SLC24A2: variants seen among roughly 807,000 people sequenced by gnomAD.
SLC24A2 encodes the protein sodium/potassium/calcium exchanger 2.
In SLC24A2, 36 loss-of-function variants were observed where a neutral mutation model predicts 62.0. That is an observed-to-expected ratio of 0.58 (90% CI 0.44 to 0.77). The LOEUF (loss-of-function observed/expected upper bound fraction) is 0.77. Ranked by LOEUF, SLC24A2 falls within the 30% of genes least tolerant of loss-of-function variation. SLC24A2 has a pLI of 0.00. For synonymous variants in SLC24A2, 358 were observed against 294.0 expected (o/e 1.22, Z -2.23); for missense variants, 846 against 817.9 (o/e 1.03, Z -0.42).
At chr9:20,273,209 G>T in the SLC24A2 span, among the ~76,000 whole-genome samples, 33 of 152,258 alleles carry the variant, frequency 2.2e-4, no homozygotes, top group Admixed American at 2.1e-3. Context: ...AAGCAGAAAG[G>T]TCACCCTCAG....
the SLC24A2 span, among the ~76,000 whole-genome samples, chr9:19,843,120 T>C: frequency 2.0e-5 from 3 of 152,152 alleles, no homozygotes; most frequent in African/African-American, 7.2e-5. Flanking sequence ...AATAAAGATA[T>C]GCAGCCAGGT....
chr9:20,155,143 AAAAAG>A, the SLC24A2 span, among the ~76,000 whole-genome samples: 1 of 148,230 alleles, frequency 6.7e-6, no homozygotes, highest in Non-Finnish European at 1.5e-5. Flanking sequence ...AAAAAAAAAG[AAAAAG>A]AAAAAAAAAA....
At chr9:19,742,136 C>T (rs567397050) in intron 2 of SLC24A2, among the ~76,000 whole-genome samples, 2 of 152,036 alleles carry the variant, frequency 1.3e-5, no homozygotes, top group South Asian at 4.2e-4. Flanking sequence ...GAAGCAATTG[C>T]CATAAAAGTG....
intron 2 of SLC24A2, among the ~76,000 whole-genome samples, chr9:19,735,848 G>T (rs898337252): frequency 6.6e-6 from 1 of 151,620 alleles, no homozygotes; most frequent in African/African-American, 2.4e-5. Flanking sequence ...TCACACACTA[G>T]GGCCTGTTGT....
the SLC24A2 span, among the ~76,000 whole-genome samples, chr9:20,228,032 C>T: frequency 6.6e-6 from 1 of 152,270 alleles, no homozygotes; most frequent in East Asian, 1.9e-4. Flanking sequence ...TGAGGTCATT[C>T]TTCCATTAAA....
chr9:19,706,765 G>A (rs991945837), intron 2 of SLC24A2, among the ~76,000 whole-genome samples: 1 of 152,122 alleles, frequency 6.6e-6, no homozygotes, highest in Non-Finnish European at 1.5e-5. Flanking sequence ...AGTGTGTAGA[G>A]GGAAATTTAT....
At chr9:19,974,284 A>C in the SLC24A2 span, among the ~76,000 whole-genome samples, 1 of 152,194 alleles carries the variant, frequency 6.6e-6, no homozygotes, top group Non-Finnish European at 1.5e-5. Context: ...GTGATTTAAC[A>C]CTGCTATGAA....
At chr9:20,044,856 T>A in the SLC24A2 span, among the ~76,000 whole-genome samples, 1 of 152,054 alleles carries the variant, frequency 6.6e-6, no homozygotes, top group Non-Finnish European at 1.5e-5. Context: ...CCCCAACCAC[T>A]CATACTTGGT....
the SLC24A2 span, among the ~76,000 whole-genome samples, chr9:19,813,033 TA>T: frequency 1.7e-4 from 26 of 152,170 alleles, no homozygotes; most frequent in Non-Finnish European, 3.1e-4. Context: ...CTGCTCAGTT[TA>T]GTTTCAGAAT....
chr9:20,019,097 GAA>G, the SLC24A2 span, among the ~76,000 whole-genome samples: 3 of 34,648 alleles, frequency 8.7e-5, no homozygotes, highest in East Asian at 1.6e-3. Flanking sequence ...AAGAAAGAAA[GAA>G]AGATAGAAAG....
chr9:19,582,253 C>G (rs1479346380), intron 5 of SLC24A2, among the ~76,000 whole-genome samples: 1 of 152,136 alleles, frequency 6.6e-6, no homozygotes, highest in African/African-American at 2.4e-5. Flanking sequence ...GGAAAAACAA[C>G]GTTTGGAGGG....
the SLC24A2 span, among the ~76,000 whole-genome samples, chr9:20,059,747 TAGA>T: frequency 1.3e-5 from 2 of 151,910 alleles, no homozygotes; most frequent in Non-Finnish European, 2.9e-5. Flanking sequence ...CTTAAAGAAC[TAGA>T]AGAAGTTCAA....
At chr9:19,566,839 T>TCTC (rs1432913178) in intron 7 of SLC24A2, among the ~76,000 whole-genome samples, 1 of 152,020 alleles carries the variant, frequency 6.6e-6, no homozygotes, top group Non-Finnish European at 1.5e-5. Context: ...AAACAATCAT[T>TCTC]CTCAGCAAAC....
intron 6 of SLC24A2, among the ~76,000 whole-genome samples, chr9:19,574,065 G>T (rs1385570041): frequency 6.6e-6 from 1 of 152,072 alleles, no homozygotes; most frequent in Non-Finnish European, 1.5e-5. Flanking sequence ...TGGGACTTGG[G>T]AATCTTATCT....
chr9:20,260,707 A>T, the SLC24A2 span, among the ~76,000 whole-genome samples: 2 of 152,050 alleles, frequency 1.3e-5, no homozygotes, highest in African/African-American at 4.8e-5. Context: ...GGCTACATGA[A>T]TAAGTTCTTT....
the SLC24A2 span, among the ~76,000 whole-genome samples, chr9:20,211,195 C>A: frequency 6.6e-6 from 1 of 151,964 alleles, no homozygotes; most frequent in Non-Finnish European, 1.5e-5. Context: ...TGGAAAATAT[C>A]TGTTTGTTTT....
At chr9:20,207,778 T>C in the SLC24A2 span, among the ~76,000 whole-genome samples, 2 of 152,194 alleles carry the variant, frequency 1.3e-5, no homozygotes, top group Non-Finnish European at 2.9e-5. Context: ...GCCACTACAA[T>C]GGGCACTGGG....
intron 2 of SLC24A2, among the ~76,000 whole-genome samples, chr9:19,771,689 T>A (rs1287729255): frequency 6.6e-6 from 1 of 152,226 alleles, no homozygotes; most frequent in Non-Finnish European, 1.5e-5. Context: ...GAACCAATTG[T>A]GCATTTTTGT....
chr9:20,011,958 G>C, the SLC24A2 span, among the ~76,000 whole-genome samples: 1 of 152,090 alleles, frequency 6.6e-6, no homozygotes, highest in Admixed American at 6.6e-5. Flanking sequence ...CACCTCAATA[G>C]ATGCATAAAA....
Sources: gnomAD v4.1 joint callset for allele counts (sites outside exome capture counted in the v4.1 genomes callset) on GRCh38, gnomAD v4.1.1 for gene constraint, MANE v1.5 for transcripts, NCBI Gene and HGNC (gene_info 2026-07-23, HGNC 2026-07-21) for gene names.